LRMDA: variants seen among roughly 807,000 people sequenced by gnomAD.
The protein encoded by LRMDA is leucine rich melanocyte differentiation associated, also known as leucine-rich melanocyte differentiation-associated protein.
A neutral mutation model predicts 29.8 loss-of-function variants in LRMDA; 18 were observed. The observed-to-expected ratio is 0.60, with a 90% CI of 0.42 to 0.90. The LOEUF (loss-of-function observed/expected upper bound fraction) is 0.90. Ranked by LOEUF, LRMDA falls within the 40% of genes least tolerant of loss-of-function variation. The pLI, the probability that LRMDA is intolerant of heterozygous loss-of-function variation, is 0.00. For synonymous variants in LRMDA, 125 were observed against 109.4 expected (o/e 1.14, Z -0.89); for missense variants, 273 against 273.9 (o/e 1.00, Z 0.02).
chr10:75,750,696 G>A, intron 2 of LRMDA, among the ~76,000 whole-genome samples: 2 of 145,500 alleles, frequency 1.4e-5, no homozygotes, highest in Non-Finnish European at 3.0e-5. Context: ...GCCGGCCAGA[G>A]GCTCTCCTCA....
chr10:76,367,149 G>A (rs1235251483), intron 6 of LRMDA, among the ~76,000 whole-genome samples: 10 of 152,144 alleles, frequency 6.6e-5, no homozygotes, highest in South Asian at 4.1e-4. Flanking sequence ...GTTGGATTTC[G>A]CTAGCTAGTA....
intron 2 of LRMDA, among the ~76,000 whole-genome samples, chr10:75,643,359 G>C (rs920581402): frequency 3.3e-5 from 5 of 152,188 alleles, no homozygotes; most frequent in Non-Finnish European, 5.9e-5. Context: ...CCTTTGTAAA[G>C]TTGCGATACT....
intron 5 of LRMDA, among the ~76,000 whole-genome samples, chr10:76,194,346 C>T (rs1946709): frequency 0.096 from 14,620 of 152,236 alleles, 1,644 homozygotes; most frequent in African/African-American, 0.27. Context: ...CACTTCTTTC[C>T]TGACATCTGC....
chr10:75,630,617 A>C (rs557272740), intron 2 of LRMDA, among the ~76,000 whole-genome samples: 1 of 152,338 alleles, frequency 6.6e-6, no homozygotes, highest in Non-Finnish European at 1.5e-5. Flanking sequence ...TGTGTGTTGA[A>C]AATTTCCAAA....
chr10:75,600,544 G>C (rs527285968), intron 2 of LRMDA, among the ~76,000 whole-genome samples: 1 of 152,188 alleles, frequency 6.6e-6, no homozygotes, highest in Non-Finnish European at 1.5e-5. Flanking sequence ...TTGTTGAAGA[G>C]GAAAATAGAC....
chr10:76,508,115 G>A (rs1459013044), intron 6 of LRMDA, among the ~76,000 whole-genome samples: 1 of 152,112 alleles, frequency 6.6e-6, no homozygotes, highest in Non-Finnish European at 1.5e-5. Context: ...CCTTCTCAGT[G>A]CATTGTATCA....
At chr10:75,947,374 A>G (rs1269218792) in intron 2 of LRMDA, among the ~76,000 whole-genome samples, 1 of 152,100 alleles carries the variant, frequency 6.6e-6, no homozygotes, top group Non-Finnish European at 1.5e-5. Flanking sequence ...GTAGCTTTCC[A>G]AGCTTGTCTG....
At position 76,267,197 on chromosome 10, in the gene LRMDA, A is replaced by AT. The variant is rs201650195; in HGVS notation, c.517-57195dup. On this transcript the variant is annotated intron_variant, in intron 5 of 6. Coordinates refer to ENST00000611255, the MANE Select transcript of LRMDA (RefSeq NM_001305581.2). ...GAATATCCTTAACTTTATGCACATA[A>AT]TTTTTTTTTGTTTTTTTTAAACAGC... Among the ~76,000 whole-genome samples, 533 of 151,622 alleles carry AT rather than the reference A, an allele frequency of 3.5e-3. 4 individuals are homozygous for AT. The highest frequency in any genetic ancestry group is 0.012 in the African/African-American group (500 of 41,334).
At chr10:76,030,997 G>A (rs76407416) in intron 2 of LRMDA, among the ~76,000 whole-genome samples, 1 of 152,206 alleles carries the variant, frequency 6.6e-6, no homozygotes, top group Non-Finnish European at 1.5e-5. Flanking sequence ...AGGCACTGCA[G>A]TTGGAGTGGT....
chr10:75,731,171 G>A (rs923650511), intron 2 of LRMDA, among the ~76,000 whole-genome samples: 10 of 152,326 alleles, frequency 6.6e-5, no homozygotes, highest in Non-Finnish European at 1.3e-4. Flanking sequence ...TTTGGATTAA[G>A]CCTATTGGAT....
intron 2 of LRMDA, among the ~76,000 whole-genome samples, chr10:75,795,636 A>G (rs1429522086): frequency 1.3e-5 from 2 of 152,196 alleles, no homozygotes; most frequent in Non-Finnish European, 2.9e-5. Context: ...TGACTACTGT[A>G]GCTTTATAGT....
chr10:76,543,217 G>A (rs1843378294), intron 6 of LRMDA, among the ~76,000 whole-genome samples: 2 of 152,148 alleles, frequency 1.3e-5, no homozygotes, highest in African/African-American at 4.8e-5. Context: ...AGTGGTGTCG[G>A]GAGAGACATG....
At chr10:76,462,852 A>G (rs975592920) in intron 6 of LRMDA, among the ~76,000 whole-genome samples, 2 of 152,208 alleles carry the variant, frequency 1.3e-5, no homozygotes, top group Non-Finnish European at 2.9e-5. Flanking sequence ...GCATAATTAA[A>G]GAAAACACCT....
At chr10:75,902,587 C>T (rs1373394816) in intron 2 of LRMDA, among the ~76,000 whole-genome samples, 1 of 152,166 alleles carries the variant, frequency 6.6e-6, no homozygotes, top group Non-Finnish European at 1.5e-5. Context: ...TCAACACTCA[C>T]TTGGCACTGA....
At position 76,499,465 on chromosome 10, in the gene LRMDA, C is replaced by T. The variant is rs1275867858; in HGVS notation, c.602-57744C>T. Among the ~76,000 whole-genome samples, 2 of 75,696 alleles carry T rather than the reference C, an allele frequency of 2.6e-5. 1 individual carries two copies. The highest frequency in any genetic ancestry group is 8.8e-5 in the Non-Finnish European group (2 of 22,794). 49.7% of individuals were successfully genotyped at this position (75,696 alleles called of 152,430 possible). ...TGAATAATATTCTATTGTCTAGGTA[C>T]AGACATGCCACATTTTGTTAATTAC... On this transcript the variant is annotated intron_variant, in intron 6 of 6. Transcript: ENST00000611255.
chr10:75,894,063 A>G (rs1023834280), intron 2 of LRMDA, among the ~76,000 whole-genome samples: 23 of 152,026 alleles, frequency 1.5e-4, no homozygotes, highest in African/African-American at 5.1e-4. Context: ...TTGGGGGTAC[A>G]GGTGGTATTT....
chr10:76,177,107 A>T (rs1001007853), intron 5 of LRMDA, among the ~76,000 whole-genome samples: 6 of 152,202 alleles, frequency 3.9e-5, no homozygotes, highest in African/African-American at 1.4e-4. Context: ...AAGTTTAGGA[A>T]CAGGGCTGCG....
intron 2 of LRMDA, among the ~76,000 whole-genome samples, chr10:75,885,409 C>T (rs935614382): frequency 6.6e-6 from 1 of 152,192 alleles, no homozygotes; most frequent in Non-Finnish European, 1.5e-5. Flanking sequence ...TTCACTTCTC[C>T]AGGTCTCAGC....
At chr10:76,030,085 T>G (rs749766302) in intron 2 of LRMDA, among the ~76,000 whole-genome samples, 6 of 152,134 alleles carry the variant, frequency 3.9e-5, no homozygotes, top group Non-Finnish European at 8.8e-5. Flanking sequence ...AGAAATGGCG[T>G]CTTACTATGT....
Sources: allele counts gnomAD v4.1 joint callset (sites outside exome capture counted in the v4.1 genomes callset), GRCh38; gene constraint gnomAD v4.1.1; transcripts MANE v1.5; gene names NCBI Gene and HGNC (gene_info 2026-07-23, HGNC 2026-07-21).